ZNF831: variants seen among roughly 807,000 people sequenced by gnomAD.
ZNF831 encodes the protein chromosome 20 open reading frame 174.
A neutral mutation model predicts 95.8 loss-of-function variants in ZNF831; 59 were observed. The ratio of observed to expected loss-of-function variants is 0.62; its 90% CI spans 0.50 to 0.77. The LOEUF (loss-of-function observed/expected upper bound fraction) is 0.77. Among genes scored for constraint, ZNF831 ranks in the 30% least tolerant of loss-of-function variants. The pLI is 0.00. For missense variants in ZNF831, 2,205 were observed against 2,164.0 expected (o/e 1.02, Z -0.38); for synonymous variants, 961 against 925.5 (o/e 1.04, Z -0.70).
intron 1 of ZNF831, among the ~76,000 whole-genome samples, chr20:59,164,634 T>C (rs1205339604): frequency 6.6e-6 from 1 of 152,210 alleles, no homozygotes; most frequent in African/African-American, 2.4e-5. Flanking sequence ...TTGTATATAA[T>C]ATAATTGAAA....
At chr20:59,158,315 C>T (rs1980653801) in intron 2 of ZNF831, among the ~76,000 whole-genome samples, 1 of 152,228 alleles carries the variant, frequency 6.6e-6, no homozygotes, top group African/African-American at 2.4e-5. Flanking sequence ...CTTGATGGAG[C>T]CATCTCCGTC....
intron 1 of ZNF831, among the ~76,000 whole-genome samples, chr20:59,170,940 A>G (rs938212276): frequency 2.0e-5 from 3 of 152,170 alleles, no homozygotes; most frequent in African/African-American, 7.2e-5. Flanking sequence ...GTGTTATGGG[A>G]GTCTGGCACT....
chr20:59,174,348 G>A (rs191152043), intron 1 of ZNF831, among the ~76,000 whole-genome samples: 18 of 152,260 alleles, frequency 1.2e-4, no homozygotes, highest in South Asian at 1.0e-3. Context: ...AGATACCACC[G>A]CATAATGGTT....
chr20:59,200,687 G>A (rs893175750), intron 3 of ZNF831, among the ~76,000 whole-genome samples: 1 of 152,102 alleles, frequency 6.6e-6, no homozygotes, highest in Non-Finnish European at 1.5e-5. Context: ...TGTCACATAG[G>A]ATAGTTTGCC....
chr20:59,157,591 G>A (rs1980608370), intron 2 of ZNF831, among the ~76,000 whole-genome samples: 2 of 152,340 alleles, frequency 1.3e-5, no homozygotes, highest in South Asian at 2.1e-4. Context: ...CCTGGGAAGG[G>A]CCAGGGTCTC....
Position 59,191,030 on chromosome 20 carries a change from C to T in ZNF831, c.11C>T (p.Pro4Leu), listed in dbSNP as rs2146541668. MEV[P>L]EPTCPAPPAR... ...TCCAGATGATGCGGAATGGAGGTTC[C>T]AGAACCCACCTGCCCTGCCCCTCCT... is the stretch of plus-strand genomic sequence containing the variant. Residue 4 changes from proline to leucine, a missense_variant, in exon 2 of 6, where the codon CCA (proline) becomes CTA (leucine). Physicochemically the swap from Pro to Leu is moderately conservative, Grantham distance 98 (BLOSUM62 -3). Transcript: ENST00000371030. 1.3e-6 allele frequency: 2 copies of T among 1,484,508 alleles called. No individual in the cohort carries two copies. The highest frequency in any genetic ancestry group is 3.6e-4 in the Middle Eastern group (2 of 5,550). The allele number at this position is 1,484,508 out of a possible 1,614,324, so 92.0% of individuals were successfully genotyped here.
intron 1 of ZNF831, among the ~76,000 whole-genome samples, chr20:59,185,816 T>C (rs1308069890): frequency 6.6e-6 from 1 of 152,216 alleles, no homozygotes; most frequent in African/African-American, 2.4e-5. Flanking sequence ...ATGACCATTA[T>C]AACCGGGGGA....
chr20:59,254,091 C>T lies in ZNF831; in HGVS notation c.4382C>T (p.Pro1461Leu), dbSNP rs760368761. ...TCCCAGGATTCAGTCTCAACAGATC[C>T]CAAACCATACATCTTCTCAGATGCT... ...LASQDSVSTD[P>L]KPYIFSDAQR... Residue 1461 changes from proline (P) to leucine (L), a missense_variant, in exon 6 of 6, where the codon CCC becomes CTC. Physicochemically the swap from Pro to Leu is moderately conservative, Grantham distance 98 (BLOSUM62 -3). Coordinates refer to ENST00000371030, the MANE Select transcript of ZNF831 (RefSeq NM_178457.3). This position sits in a 1 kb window ranked among gnomAD's most constrained non-coding sequence, Gnocchi z 4.5. The T allele has an allele frequency of 6.2e-7, 1 of 1,614,080 alleles. No individual in the cohort carries two copies. The highest frequency in any genetic ancestry group is 8.5e-7 in the Non-Finnish European group (1 of 1,180,032).
At position 59,193,095 on chromosome 20, in the gene ZNF831, T is replaced by C. The variant is rs1046379449; in HGVS notation, c.2076T>C (p.Pro692=). The C allele has an allele frequency of 3.1e-6, 5 of 1,599,368 alleles. No individual in the cohort carries two copies. The African/African-American group carries it at 4.0e-5, about 13-fold the overall frequency. Residue 692 remains proline (P), a synonymous_variant, in exon 2 of 6, where the codon CCT becomes CCC. Transcript: ENST00000371030. ...TATCCGCAGGGGCAACGCCAGAGCCTTGGGGAAATCCACCAGCCCTGGAGG... is the reference window on the plus strand; with the variant it reads ...TATCCGCAGGGGCAACGCCAGAGCCCTGGGGAAATCCACCAGCCCTGGAGG... ...EDISAGATPE[P]WGNPPALEAS...
intron 1 of ZNF831, among the ~76,000 whole-genome samples, chr20:59,130,310 C>T (rs186778839): frequency 6.6e-6 from 1 of 152,268 alleles, no homozygotes; most frequent in Admixed American, 6.5e-5. Flanking sequence ...CCTTTTCTCC[C>T]TGTGTTTTTC....
intron 1 of ZNF831, among the ~76,000 whole-genome samples, chr20:59,178,905 C>A (rs1449640395): frequency 6.6e-6 from 1 of 152,144 alleles, no homozygotes; most frequent in African/African-American, 2.4e-5. Flanking sequence ...GGATTTGGGT[C>A]GTCCTCCAGA....
intron 4 of ZNF831, among the ~76,000 whole-genome samples, chr20:59,232,441 G>C (rs1035263082): frequency 1.3e-5 from 2 of 151,968 alleles, no homozygotes; most frequent in African/African-American, 4.8e-5. Context: ...CAGAAAAGGA[G>C]ATTTTCCGTA....
intron 4 of ZNF831, among the ~76,000 whole-genome samples, chr20:59,229,688 C>T (rs953435226): frequency 1.3e-5 from 2 of 152,154 alleles, no homozygotes; most frequent in Non-Finnish European, 2.9e-5. Context: ...AGGATATTAC[C>T]ATTGACCTAG....
rs1986517634 is a variant in ZNF831, at chr20:59,227,931, G to A, written c.4027+20875G>A. On this transcript the variant is annotated intron_variant, in intron 4 of 5. Transcript: ENST00000371030. ...AAAGCAAGAGCTATGAATCTAGGAA[G>A]TTTGACTCCAGACCCTTGTTAGGAA... 2.0e-5 allele frequency among the ~76,000 whole-genome samples: 3 copies of A among 152,194 alleles called. No individual in the cohort carries two copies. In the South Asian group the frequency reaches 6.2e-4, roughly 31 times the overall value.
chr20:59,166,824 T>C (rs977438959), intron 1 of ZNF831, among the ~76,000 whole-genome samples: 3 of 152,262 alleles, frequency 2.0e-5, no homozygotes, highest in African/African-American at 7.2e-5. Context: ...GGTTTAAATA[T>C]TCATTGTTGA....
intron 1 of ZNF831, among the ~76,000 whole-genome samples, chr20:59,189,337 T>C (rs1983320739): frequency 6.6e-6 from 1 of 152,214 alleles, no homozygotes; most frequent in African/African-American, 2.4e-5. Context: ...CATTTATTTG[T>C]TTTTAACATT....
upstream of ZNF831, among the ~76,000 whole-genome samples, chr20:59,161,657 A>T (rs982630015): frequency 2.6e-5 from 4 of 152,094 alleles, no homozygotes; most frequent in African/African-American, 9.7e-5. Context: ...CATCCAGTCT[A>T]CCGTTGACAG....
rs1429335332 is a variant in ZNF831, at chr20:59,169,173, ACTT to A, written c.-37+4970_-37+4972del. ...GAATTCTCCACATCAGGGCCTGGAG[ACTT>A]CTTAGCAGGGAGCTTCAAAATTGCA... On this transcript the variant is annotated intron_variant, in intron 1 of 5. Transcript: ENST00000371030. This position sits in a 1 kb window ranked among gnomAD's most constrained non-coding sequence, Gnocchi z 4.1. Among the ~76,000 whole-genome samples the A allele has an allele frequency of 6.6e-6, 1 of 152,092 alleles. No homozygotes were observed. Among genetic ancestry groups the A allele is most frequent in the Non-Finnish European group, 1.5e-5 (1 of 68,016 alleles).
At chr20:59,213,712 C>T (rs1164783215) in intron 4 of ZNF831, among the ~76,000 whole-genome samples, 1 of 152,080 alleles carries the variant, frequency 6.6e-6, no homozygotes, top group Non-Finnish European at 1.5e-5. Context: ...TCTGATTGTG[C>T]GTTGTGTCAA....
Sources: allele counts gnomAD v4.1 joint callset (sites outside exome capture counted in the v4.1 genomes callset), GRCh38; gene constraint gnomAD v4.1.1; non-coding constraint Gnocchi (gnomAD v3.1); transcripts MANE v1.5; gene names NCBI Gene and HGNC (gene_info 2026-07-23, HGNC 2026-07-21).